MYLK: variants seen among roughly 807,000 people sequenced by gnomAD.
The protein encoded by MYLK is myosin light chain kinase, smooth muscle.
MYLK carries 106 observed loss-of-function variants against 203.4 expected under a neutral mutation model. The ratio of observed to expected loss-of-function variants is 0.52; its 90% confidence interval spans 0.45 to 0.61. MYLK has a LOEUF of 0.61. Among genes scored for constraint, MYLK ranks in the 20% least tolerant of loss-of-function variants. The pLI is 0.00. For missense variants in MYLK, 2,072 were observed against 2,442.3 expected (o/e 0.85, Z 3.20); for synonymous variants, 867 against 959.5 (o/e 0.90, Z 1.78).
intron 20 of MYLK, among the ~76,000 whole-genome samples, chr3:123,668,705 A>C (rs1464367641): frequency 6.6e-6 from 1 of 152,152 alleles, no homozygotes; most frequent in African/African-American, 2.4e-5. Flanking sequence ...CACCAGTGAG[A>C]TCTTCCCTAA....
chr3:123,815,241 C>T (rs962004421), intron 3 of MYLK, among the ~76,000 whole-genome samples: 1 of 152,086 alleles, frequency 6.6e-6, no homozygotes, highest in Non-Finnish European at 1.5e-5. Context: ...ACTTGTGGCT[C>T]CCCAGTATTT....
At chr3:123,831,871 G>A (rs2066341660) in intron 2 of MYLK, among the ~76,000 whole-genome samples, 1 of 152,162 alleles carries the variant, frequency 6.6e-6, no homozygotes, top group Admixed American at 6.6e-5. Flanking sequence ...GTTACAAGGA[G>A]AACCAGAACG....
intron 3 of MYLK, chr3:123,814,237 T>C (rs2065662671): frequency 4.4e-6 from 1 of 225,252 alleles, no homozygotes; most frequent in Admixed American, 4.8e-5. Context: ...GACAAAGGTA[T>C]CTTCCCCGGC....
intron 5 of MYLK, among the ~76,000 whole-genome samples, chr3:123,749,984 G>A (rs1449832281): frequency 6.6e-6 from 1 of 152,234 alleles, no homozygotes; most frequent in Admixed American, 6.5e-5. Flanking sequence ...AGGCAGTTGG[G>A]CTGCTAGGTT....
In MYLK at chr3:123,752,484, T is replaced by C; in HGVS notation, c.220A>G (p.Thr74Ala). The change falls in exon 5 of 34, where the codon ACC becomes GCC. Residue 74 changes from threonine to alanine, a missense_variant. Thr to Ala is a moderately conservative substitution (Grantham distance 58). This residue lies in a region of MYLK where 683 missense variants were observed against 643.8 expected (regional missense o/e 1.06). Transcript: ENST00000360304. ...VTWHRNGQPI[T>A]SGGRFLLDCG... ...TCCAGCAGGAAGCGGCCCCCGCTGGTGATGGGTTGCCCGTTTCTGTGCCAT... is the reference window on the plus strand; with the variant it reads ...TCCAGCAGGAAGCGGCCCCCGCTGGCGATGGGTTGCCCGTTTCTGTGCCAT... The C allele has an allele frequency of 6.2e-7, 1 of 1,614,130 alleles. No homozygotes were observed. Among genetic ancestry groups the C allele is most frequent in the Non-Finnish European group, 8.5e-7 (1 of 1,180,030 alleles).
chr3:123,808,865 T>C (rs879767547), intron 3 of MYLK, among the ~76,000 whole-genome samples: 3 of 152,206 alleles, frequency 2.0e-5, no homozygotes, highest in Non-Finnish European at 4.4e-5. Flanking sequence ...CACTCAGAAG[T>C]TGAGTAATAG....
At position 123,733,801 on chromosome 3, in the gene MYLK, C is replaced by G. The variant is rs1490320585; in HGVS notation, c.1195G>C (p.Ala399Pro). The G allele has an allele frequency of 6.2e-7, 1 of 1,614,122 alleles. No individual in the cohort carries two copies. Among genetic ancestry groups the G allele is most frequent in the East Asian group, 2.2e-5 (1 of 44,886 alleles). The change falls in exon 10 of 34, where the codon GCT (alanine) becomes CCT (proline). Residue 399 changes from alanine (A) to proline (P), a missense_variant. By Grantham distance (27) the Ala-to-Pro change is conservative. This residue lies in a region of MYLK where 683 missense variants were observed against 643.8 expected (regional missense o/e 1.06). Transcript: ENST00000360304. ...CCCTCCATGGGGATTCTCCTGTTAG[C>G]AGCCTTGCTCACAACATCTTGGCTC... ...LGSQDVVSKA[A>P]NRRIPMEGQR...
chr3:123,673,485 T>C (rs1338769156), intron 20 of MYLK, among the ~76,000 whole-genome samples: 2 of 151,958 alleles, frequency 1.3e-5, no homozygotes, highest in Non-Finnish European at 2.9e-5. Flanking sequence ...CCCAGAGGAC[T>C]TCTCTGTCCT....
intron 3 of MYLK, among the ~76,000 whole-genome samples, chr3:123,810,257 T>G (rs545858409): frequency 4.3e-4 from 66 of 152,288 alleles, no homozygotes; most frequent in African/African-American, 1.5e-3. Flanking sequence ...CAGGACAGAA[T>G]GGCCGTGTTT....
chr3:123,789,749 T>C (rs9839970), intron 4 of MYLK, among the ~76,000 whole-genome samples: 7,475 of 150,994 alleles, frequency 0.05, 589 homozygotes, highest in African/African-American at 0.17. Context: ...AATCAGTAGA[T>C]GCTAATCAAA....
At chr3:123,727,254 C>T (rs922149809) in intron 11 of MYLK, among the ~76,000 whole-genome samples, 1 of 152,276 alleles carries the variant, frequency 6.6e-6, no homozygotes, top group East Asian at 1.9e-4. Flanking sequence ...CCTGGACAGG[C>T]CTGGCACTGA....
At chr3:123,757,659 G>A (rs1473719714) in intron 4 of MYLK, among the ~76,000 whole-genome samples, 1 of 152,202 alleles carries the variant, frequency 6.6e-6, no homozygotes, top group Non-Finnish European at 1.5e-5. Flanking sequence ...TTAGGGCTGG[G>A]AACAACAGAC....
Position 123,610,256 on chromosome 3 carries a change from C to T in MYLK, c.*3849G>A, listed in dbSNP as rs1020859906. ...AAAGTAACTTAAATTTAAATAGCCACTTGTGAGTAGTGGCTACCATCCTGG... is the reference window on the plus strand; with the variant it reads ...AAAGTAACTTAAATTTAAATAGCCATTTGTGAGTAGTGGCTACCATCCTGG... On this transcript the variant is annotated 3_prime_UTR_variant, in exon 34 of 34. Coordinates refer to ENST00000360304, the MANE Select transcript of MYLK (RefSeq NM_053025.4). 9 of 152,144 alleles carry T rather than the reference C, an allele frequency of 5.9e-5. No individual in the cohort carries two copies. The highest frequency in any genetic ancestry group is 2.6e-4 in the Admixed American group (4 of 15,276). The allele number at this position is 152,144 out of a possible 1,614,324, so 9.4% of individuals were successfully genotyped here.
At chr3:123,756,040 G>C (rs2063348656) in intron 4 of MYLK, among the ~76,000 whole-genome samples, 1 of 152,130 alleles carries the variant, frequency 6.6e-6, no homozygotes, top group Non-Finnish European at 1.5e-5. Context: ...GTTTTACTGG[G>C]CCCATGTAGC....
At chr3:123,660,833 A>C (rs1472055204) in intron 23 of MYLK, among the ~76,000 whole-genome samples, 1 of 152,234 alleles carries the variant, frequency 6.6e-6, no homozygotes, top group Non-Finnish European at 1.5e-5. Context: ...TCTGCTTAAT[A>C]AACCCTGATC....
intron 29 of MYLK, among the ~76,000 whole-genome samples, chr3:123,633,437 CATT>C (rs1370632502): frequency 6.6e-6 from 1 of 152,186 alleles, no homozygotes; most frequent in Non-Finnish European, 1.5e-5. Flanking sequence ...AGATAACAGT[CATT>C]ATTTGTTAAA....
intron 2 of MYLK, among the ~76,000 whole-genome samples, chr3:123,875,572 T>G (rs34067381): frequency 0.45 from 68,659 of 152,080 alleles, 18,533 homozygotes; most frequent in Non-Finnish European, 0.63. Context: ...TTTGTCAAAA[T>G]TCAGAACTGA....
intron 3 of MYLK, among the ~76,000 whole-genome samples, chr3:123,829,415 T>C (rs2066246649): frequency 6.6e-6 from 1 of 151,928 alleles, no homozygotes; most frequent in Admixed American, 6.6e-5. Flanking sequence ...AGTAAAAAAG[T>C]AGAACAGAGC....
rs886057849 is a variant in MYLK, at chr3:123,613,393, C to G, written c.*712G>C. 6.6e-6 allele frequency: 1 copy of G among 152,218 alleles called. No homozygotes were observed. Among genetic ancestry groups the G allele is most frequent in the Middle Eastern group, 3.4e-3 (1 of 294 alleles). 9.4% of individuals were successfully genotyped at this position (152,218 alleles called of 1,614,324 possible). A position where few individuals can be genotyped will look rare whatever the true frequency, so the allele number is the denominator to read the frequency against. ...AATGTCTGAAGCTGCTAGACATCTG[C>G]AAAGAGGGGATAAGTTTAGATTTCC... On this transcript the variant is annotated 3_prime_UTR_variant, in exon 34 of 34. Transcript: ENST00000360304.
Sources: allele counts gnomAD v4.1 joint callset (sites outside exome capture counted in the v4.1 genomes callset), GRCh38; gene constraint gnomAD v4.1.1; regional missense constraint gnomAD v4.1.1; transcripts MANE v1.5; gene names NCBI Gene and HGNC (gene_info 2026-07-23, HGNC 2026-07-21).